NAP1L1: variants seen among roughly 807,000 people sequenced by gnomAD.
NAP1L1 encodes the protein nucleosome assembly protein 1-like 1.
NAP1L1 carries 9 observed loss-of-function variants against 58.9 expected under a neutral mutation model. The ratio of observed to expected loss-of-function variants is 0.15; its 90% CI spans 0.09 to 0.27. NAP1L1 has a LOEUF of 0.27. Ranked by LOEUF, NAP1L1 falls within the 10% of genes least tolerant of loss-of-function variation. The pLI, the probability that NAP1L1 is intolerant of heterozygous loss-of-function variation, is 1.00. For missense variants in NAP1L1, 302 were observed against 458.8 expected (o/e 0.66, Z 3.12); for synonymous variants, 130 against 138.3 (o/e 0.94, Z 0.42).
intron 4 of NAP1L1, among the ~76,000 whole-genome samples, chr12:76,062,720 T>G (rs1256886109): frequency 6.6e-6 from 1 of 152,066 alleles, no homozygotes; most frequent in Non-Finnish European, 1.5e-5. Context: ...AGATGGAAAA[T>G]AGAAAAGCTC....
rs766386966 is a variant in NAP1L1, at chr12:76,042,095, G to T, written c.*6334C>A. The T allele has an allele frequency of 5.9e-5, 9 of 151,938 alleles. No individual in the cohort carries two copies. Among genetic ancestry groups the T allele is most frequent in the Non-Finnish European group, 1.3e-4 (9 of 68,016 alleles). The allele number at this position is 151,938 out of a possible 1,614,324, so 9.4% of individuals were successfully genotyped here. On this transcript the variant is annotated 3_prime_UTR_variant, in exon 15 of 15. Transcript: ENST00000618691. ...TTACACATAAAATCTTCAAAACGAG[G>T]CATATGTTTAATTTTATTATCCAGT...
intron 11 of NAP1L1, among the ~76,000 whole-genome samples, chr12:76,051,733 C>T (rs145527088): frequency 1.3e-5 from 2 of 152,216 alleles, no homozygotes; most frequent in African/African-American, 4.8e-5. Context: ...TTAAAATAAT[C>T]CCACTTTGGC....
At chr12:76,071,919 C>A (rs946604624) in intron 2 of NAP1L1, among the ~76,000 whole-genome samples, 2 of 150,440 alleles carry the variant, frequency 1.3e-5, no homozygotes, top group Admixed American at 6.7e-5. Flanking sequence ...GAAGCCAGAT[C>A]TTTACCCAGA....
chr12:76,042,340 C>T lies in NAP1L1; in HGVS notation c.*6089G>A, dbSNP rs893806421. On this transcript the variant is annotated 3_prime_UTR_variant, in exon 15 of 15. Coordinates refer to ENST00000618691, the MANE Select transcript of NAP1L1 (RefSeq NM_004537.7). ...CTTATTAATGTTCACCACGATCTTT[C>T]GCAATACAGATGAAAAGACTGATGC... 5.9e-5 allele frequency: 9 copies of T among 152,174 alleles called. No individual in the cohort carries two copies. Among genetic ancestry groups the T allele is most frequent in the East Asian group, 1.9e-4 (1 of 5,190 alleles). The allele number at this position is 152,174 out of a possible 1,614,324, so 9.4% of individuals were successfully genotyped here. A position where few individuals can be genotyped will look rare whatever the true frequency, so the allele number is the denominator to read the frequency against.
At chr12:76,053,683 A>G (rs1193486537) in intron 9 of NAP1L1, 87 bp downstream of exon 9, 3 of 1,445,820 alleles carry the variant, frequency 2.1e-6, no homozygotes, top group Non-Finnish European at 2.8e-6. Flanking sequence ...GACTATGTAC[A>G]TATGTAACTG....
chr12:76,042,755 C>A lies in NAP1L1; in HGVS notation c.*5674G>T, dbSNP rs759639586. Reference sequence around the variant, plus strand: ...ACCCTGTAAAGAGCATATTCAGCAACTGGACTTAAGTTTCTAAGTAATACT... The same window carrying A: ...ACCCTGTAAAGAGCATATTCAGCAAATGGACTTAAGTTTCTAAGTAATACT... On this transcript the variant is annotated 3_prime_UTR_variant, in exon 15 of 15. Coordinates refer to ENST00000618691, the MANE Select transcript of NAP1L1 (RefSeq NM_004537.7). 2.6e-5 allele frequency: 4 copies of A among 152,200 alleles called. No homozygotes were observed. Among genetic ancestry groups the A allele is most frequent in the Admixed American group, 6.5e-5 (1 of 15,270 alleles). 9.4% of individuals were successfully genotyped at this position (152,200 alleles called of 1,614,324 possible). A position where few individuals can be genotyped will look rare whatever the true frequency, so the allele number is the denominator to read the frequency against.
At chr12:76,078,811 A>T (rs964140639) in intron 1 of NAP1L1, among the ~76,000 whole-genome samples, 2 of 152,224 alleles carry the variant, frequency 1.3e-5, no homozygotes, top group African/African-American at 4.8e-5. Flanking sequence ...ATGAAAAGAC[A>T]TGTTAAGATC....
intron 4 of NAP1L1, among the ~76,000 whole-genome samples, chr12:76,065,532 T>TA (rs10711705): frequency 2.1e-5 from 3 of 142,870 alleles, no homozygotes; most frequent in African/African-American, 5.1e-5. Flanking sequence ...AAGAGCAACT[T>TA]AAAAAAAAAA....
rs181245640 is a variant in NAP1L1 at position 76,057,867 on chromosome 12, C to T, written c.430-1706G>A. 55 of 1,471,924 alleles carry T rather than the reference C, an allele frequency of 3.7e-5. 1 individual carries two copies. The Admixed American group carries it at 5.4e-4, about 14-fold the overall frequency. 91.2% of individuals were successfully genotyped at this position (1,471,924 alleles called of 1,614,324 possible). A position where few individuals can be genotyped will look rare whatever the true frequency, so the allele number is the denominator to read the frequency against. ...GTCAAATAAAACAAAAAAACAAAGA[C>T]GGTACCACAAAAGGTTACTATAGCC... On this transcript the variant is annotated intron_variant, in intron 6 of 14. Transcript: ENST00000618691.
chr12:76,080,376 G>T (rs1383440775), intron 1 of NAP1L1, among the ~76,000 whole-genome samples: 1 of 152,120 alleles, frequency 6.6e-6, no homozygotes, highest in Non-Finnish European at 1.5e-5. Flanking sequence ...TGCTTTTTGT[G>T]GTTAGAGTAC....
rs754675420 is a variant in NAP1L1, at chr12:76,055,064, G to T, written c.585C>A (p.His195Gln). The T allele has an allele frequency of 3.1e-6, 5 of 1,604,780 alleles. No homozygotes were observed. Among genetic ancestry groups the T allele is most frequent in the Non-Finnish European group, 4.2e-6 (5 of 1,176,766 alleles). ...AGAACTTCACTTTAATATCTTTCAA[G>T]TGCTTCAGAATAGGTTCATCGTGTT... ...VQEHDEPILK[H>Q]LKDIKVKFSD... is the part of the protein sequence containing the mutation. Residue 195 changes from histidine (H) to glutamine (Q), a missense_variant, in exon 8 of 15, where the codon CAC becomes CAA. Coordinates refer to ENST00000618691, the MANE Select transcript of NAP1L1 (RefSeq NM_004537.7).
At position 76,042,220 on chromosome 12, in the gene NAP1L1, A is replaced by G. The variant is rs1185312235; in HGVS notation, c.*6209T>C. On this transcript the variant is annotated 3_prime_UTR_variant, in exon 15 of 15. Coordinates refer to ENST00000618691, the MANE Select transcript of NAP1L1 (RefSeq NM_004537.7). Reference sequence around the variant, plus strand: ...GAAAACCCCAACTAGTTCAGAAATAAAGTTCTAAAACCAATTTAAAAAGTA... The same window carrying G: ...GAAAACCCCAACTAGTTCAGAAATAGAGTTCTAAAACCAATTTAAAAAGTA... 6.6e-6 allele frequency: 1 copy of G among 152,182 alleles called. No homozygotes were observed. The highest frequency in any genetic ancestry group is 1.5e-5 in the Non-Finnish European group (1 of 68,036). The allele number at this position is 152,182 out of a possible 1,614,324, so 9.4% of individuals were successfully genotyped here.
intron 11 of NAP1L1, among the ~76,000 whole-genome samples, chr12:76,051,002 G>GAAAAAA (rs57970257): frequency 6.0e-5 from 5 of 83,748 alleles, no homozygotes; most frequent in African/African-American, 2.0e-4. Context: ...CTGGGCAACC[G>GAAAAAA]AAAAAAAAAA....
intron 4 of NAP1L1, among the ~76,000 whole-genome samples, chr12:76,064,793 T>A (rs1042271217): frequency 4.1e-5 from 6 of 145,360 alleles, no homozygotes; most frequent in Admixed American, 6.9e-5. Context: ...TTAGTATGTT[T>A]AAAAAAAAAA....
intron 6 of NAP1L1, chr12:76,057,854 A>C: frequency 1.3e-6 from 2 of 1,496,924 alleles, no homozygotes; most frequent in Non-Finnish European, 1.8e-6. Flanking sequence ...CAAATAAAAC[A>C]AAAAAACAAA....
chr12:76,080,852 A>T (rs1327741358), intron 1 of NAP1L1, among the ~76,000 whole-genome samples: 1 of 152,144 alleles, frequency 6.6e-6, no homozygotes, highest in Non-Finnish European at 1.5e-5. Context: ...CCACCCTCAC[A>T]AACGAATTAA....
intron 13 of NAP1L1, 45 bp from the exon 14 acceptor site, chr12:76,049,295 G>A (rs774938818): frequency 8.7e-6 from 14 of 1,611,818 alleles, no homozygotes; most frequent in Non-Finnish European, 3.4e-6. Context: ...GTACATAGTA[G>A]GTAAACTGGC....
chr12:76,066,810 T>A (rs1167569499), intron 4 of NAP1L1, among the ~76,000 whole-genome samples: 1 of 152,106 alleles, frequency 6.6e-6, no homozygotes, highest in African/African-American at 2.4e-5. Context: ...AAAGAAATTC[T>A]CACACAGTTC....
intron 9 of NAP1L1, 125 bp downstream of exon 9, chr12:76,053,645 A>G: frequency 8.3e-7 from 1 of 1,201,512 alleles, no homozygotes; most frequent in Non-Finnish European, 1.1e-6. Context: ...ACTTTTCAGA[A>G]AACATATTAC....
Sources: gnomAD v4.1 joint callset for allele counts (sites outside exome capture counted in the v4.1 genomes callset) on GRCh38, gnomAD v4.1.1 for gene constraint, MANE v1.5 for transcripts, NCBI Gene and HGNC (gene_info 2026-07-23, HGNC 2026-07-21) for gene names.